Variants in NRXN1 observed in about 807,000 individuals in gnomAD.
NRXN1 encodes neurexin 1.
In NRXN1, 39 loss-of-function variants were observed where a neutral mutation model predicts 150.9. The observed-to-expected ratio is 0.26, with a 90% CI of 0.20 to 0.34. The LOEUF (loss-of-function observed/expected upper bound fraction) is 0.34. NRXN1 is among the 10% of genes least tolerant of loss of function. The pLI, the probability that NRXN1 is intolerant of heterozygous loss-of-function variation, is 1.00. For synonymous variants in NRXN1, 924 were observed against 757.0 expected (o/e 1.22, Z -3.62); for missense variants, 1,815 against 1,949.9 (o/e 0.93, Z 1.30).
chr2:50,561,046 G>C (rs1415010974), intron 8 of NRXN1, among the ~76,000 whole-genome samples: 1 of 152,134 alleles, frequency 6.6e-6, no homozygotes, highest in African/African-American at 2.4e-5. Context: ...TTTTTACCTA[G>C]TCTCAATTAA....
intron 18 of NRXN1, among the ~76,000 whole-genome samples, chr2:50,223,235 G>A (rs76489477): frequency 0.018 from 2,751 of 151,934 alleles, 90 homozygotes; most frequent in African/African-American, 0.062. Flanking sequence ...TACTGAGAAG[G>A]ACAAAGTTAA....
At chr2:50,511,356 C>G (rs2092447070) in intron 12 of NRXN1, among the ~76,000 whole-genome samples, 1 of 152,120 alleles carries the variant, frequency 6.6e-6, no homozygotes, top group Admixed American at 6.5e-5. Flanking sequence ...TGCGCCCAGC[C>G]CTAACAAACT....
intron 2 of NRXN1, among the ~76,000 whole-genome samples, chr2:50,994,712 A>C (rs1699015355): frequency 6.6e-6 from 1 of 152,114 alleles, no homozygotes. Context: ...TATAGATAAT[A>C]TAAATTACAC....
chr2:50,161,491 G>A (rs1459226775), intron 18 of NRXN1, among the ~76,000 whole-genome samples: 5 of 152,128 alleles, frequency 3.3e-5, no homozygotes, highest in Non-Finnish European at 2.9e-5. Context: ...TACTTCTTGG[G>A]TAAGGGGCAT....
At chr2:51,026,494 G>C (rs1335781728) in intron 2 of NRXN1, 1 of 1,509,826 alleles carries the variant, frequency 6.6e-7, no homozygotes, top group Non-Finnish European at 9.1e-7. Flanking sequence ...AGAGAACTTA[G>C]GTATGACTTT....
intron 18 of NRXN1, among the ~76,000 whole-genome samples, chr2:50,162,830 CAAAT>C (rs1377318701): frequency 6.6e-6 from 1 of 151,632 alleles, no homozygotes; most frequent in Non-Finnish European, 1.5e-5. Context: ...TTTCATTTTC[CAAAT>C]AAATTATCTT....
chr2:50,110,750 T>G (rs1457261590), intron 18 of NRXN1, among the ~76,000 whole-genome samples: 2 of 152,102 alleles, frequency 1.3e-5, no homozygotes, highest in Non-Finnish European at 2.9e-5. Context: ...CAAATAGAAT[T>G]CAACAACAGA....
intron 8 of NRXN1, among the ~76,000 whole-genome samples, chr2:50,590,300 A>AAT (rs758400035): frequency 5.3e-4 from 81 of 152,194 alleles, no homozygotes; most frequent in Non-Finnish European, 7.9e-4. Flanking sequence ...GTGCTTGTAC[A>AAT]ATATATATAT....
Position 50,594,265 on chromosome 2 carries a change from A to G in NRXN1, c.1320+25757T>C, listed in dbSNP as rs116048235. ...TCCCATACGGAAAATGTATATTTGC[A>G]TTTTTAAATGTATGCTCGCATTTCC... On this transcript the variant is annotated intron_variant, in intron 8 of 22. Coordinates refer to ENST00000401669, the MANE Select transcript of NRXN1 (RefSeq NM_001330078.2). Among the ~76,000 whole-genome samples, 1,174 of 152,316 alleles carry G rather than the reference A, an allele frequency of 7.7e-3. 18 individuals carry two copies. The highest frequency in any genetic ancestry group is 0.026 in the African/African-American group (1,095 of 41,560).
intron 12 of NRXN1, among the ~76,000 whole-genome samples, chr2:50,513,693 A>C (rs1379425201): frequency 6.6e-6 from 1 of 152,150 alleles, no homozygotes; most frequent in East Asian, 1.9e-4. Context: ...GAAGAGAAAT[A>C]GAGAAGAATA....
chr2:50,454,420 T>C (rs1430256803), intron 17 of NRXN1, among the ~76,000 whole-genome samples: 1 of 152,110 alleles, frequency 6.6e-6, no homozygotes, highest in Non-Finnish European at 1.5e-5. Context: ...AAATGTTTGC[T>C]AAATCCATCA....
chr2:50,470,511 A>G (rs1489278380), intron 16 of NRXN1, among the ~76,000 whole-genome samples: 1 of 151,872 alleles, frequency 6.6e-6, no homozygotes, highest in Non-Finnish European at 1.5e-5. Context: ...TGCTGCACAG[A>G]GGAAAAAAAT....
intron 5 of NRXN1, among the ~76,000 whole-genome samples, chr2:50,819,168 T>A (rs1669354458): frequency 6.6e-6 from 1 of 152,156 alleles, no homozygotes; most frequent in Non-Finnish European, 1.5e-5. Flanking sequence ...GTATTTACCA[T>A]GTGATTTCTG....
intron 5 of NRXN1, among the ~76,000 whole-genome samples, chr2:50,872,402 C>T (rs1040981079): frequency 1.3e-5 from 2 of 151,556 alleles, no homozygotes; most frequent in Admixed American, 6.6e-5. Flanking sequence ...CTTGCAGGAG[C>T]TAGGTGATGG....
intron 18 of NRXN1, among the ~76,000 whole-genome samples, chr2:50,151,297 A>T (rs1574189362): frequency 6.6e-6 from 1 of 151,766 alleles, no homozygotes; most frequent in Admixed American, 6.6e-5. Flanking sequence ...TTACAAACCA[A>T]ACAATTCTAA....
intron 8 of NRXN1, among the ~76,000 whole-genome samples, chr2:50,609,122 T>C (rs919909748): frequency 6.6e-6 from 1 of 152,128 alleles, no homozygotes; most frequent in African/African-American, 2.4e-5. Flanking sequence ...TAATATTATG[T>C]ATGATTTGTG....
At chr2:50,683,788 G>T (rs1369371424) in intron 5 of NRXN1, among the ~76,000 whole-genome samples, 1 of 149,798 alleles carries the variant, frequency 6.7e-6, no homozygotes, top group Non-Finnish European at 1.5e-5. Flanking sequence ...AGTGACTGAT[G>T]TTCACAATGA....
intron 18 of NRXN1, among the ~76,000 whole-genome samples, chr2:50,160,997 G>T (rs1009515869): frequency 1.3e-5 from 2 of 151,900 alleles, no homozygotes; most frequent in Non-Finnish European, 2.9e-5. Context: ...GAGACATTAG[G>T]CTATTGGTCA....
At chr2:50,553,273 C>G (rs891202162) in intron 8 of NRXN1, among the ~76,000 whole-genome samples, 3 of 152,208 alleles carry the variant, frequency 2.0e-5, no homozygotes, top group Non-Finnish European at 4.4e-5. Context: ...CATATACACA[C>G]AAACTGCTTG....
Sources: gnomAD v4.1 joint callset for allele counts (sites outside exome capture counted in the v4.1 genomes callset) on GRCh38, gnomAD v4.1.1 for gene constraint, MANE v1.5 for transcripts, NCBI Gene and HGNC (gene_info 2026-07-23, HGNC 2026-07-21) for gene names.